The following XPOT variants were observed in gnomAD, a reference collection of about 807,000 sequenced individuals.
XPOT encodes exportin for tRNA, also known as exportin-T.
XPOT carries 34 observed loss-of-function variants against 128.2 expected under a neutral mutation model. The ratio of observed to expected loss-of-function variants is 0.27; its 90% CI spans 0.20 to 0.35. XPOT has a LOEUF of 0.35. Among genes scored for constraint, XPOT ranks in the 10% least tolerant of loss-of-function variants. The pLI, the probability that XPOT is intolerant of heterozygous loss-of-function variation, is 1.00. For synonymous variants in XPOT, 348 were observed against 394.3 expected, an observed-to-expected ratio of 0.88 and a Z score of 1.39; for missense variants, 838 against 1,125.3, an observed-to-expected ratio of 0.74 and a Z score of 3.65.
chr12:64,444,452 C>T (rs1452948240), intron 23 of XPOT, among the ~76,000 whole-genome samples: 2 of 152,166 alleles, frequency 1.3e-5, no homozygotes, highest in African/African-American at 4.8e-5. Flanking sequence ...ATGGTATATA[C>T]ATACAATAGA....
At chr12:64,437,151 A>G (rs1287978370) in intron 22 of XPOT, among the ~76,000 whole-genome samples, 1 of 152,214 alleles carries the variant, frequency 6.6e-6, no homozygotes, top group East Asian at 1.9e-4. Context: ...TCAATTCAGC[A>G]GCATTTCTTC....
chr12:64,431,629 G>T lies in XPOT; in HGVS notation c.2068G>T (p.Ala690Ser). Residue 690 changes from alanine (A) to serine (S), a missense_variant, in exon 18 of 25, where the codon GCC (alanine) becomes TCC (serine). Physicochemically the swap from Ala to Ser is moderately conservative, Grantham distance 99 (BLOSUM62 1). Coordinates refer to ENST00000332707, the MANE Select transcript of XPOT (RefSeq NM_007235.6). ...GGACTGTTTACAGACATTCTTGCCA[G>T]CCCTCAGTTGTCCCTTACAAAAGGA... ...YLDCLQTFLP[A>S]LSCPLQKDIL... 6.2e-7 allele frequency: 1 copy of T among 1,613,922 alleles called. No individual in the cohort carries two copies. Among genetic ancestry groups the T allele is most frequent in the Non-Finnish European group, 8.5e-7 (1 of 1,179,850 alleles).
intron 18 of XPOT, among the ~76,000 whole-genome samples, chr12:64,432,208 A>T (rs1467175629): frequency 6.6e-6 from 1 of 152,156 alleles, no homozygotes; most frequent in Non-Finnish European, 1.5e-5. Flanking sequence ...CTGGCTAATA[A>T]AAGTGGTTAA....
rs2040180669 is a variant in XPOT, at chr12:64,425,267, A to G, written c.1453-71A>G. 15 of 1,609,830 alleles carry G rather than the reference A, an allele frequency of 9.3e-6. No homozygotes were observed. The East Asian group carries it at 1.1e-4, about 12-fold the overall frequency. ...AGTTCCTTAATTGTTAGAGCTTAGTATATGTTAATACCGGGGCATTTTGAT... is the reference window on the plus strand; with the variant it reads ...AGTTCCTTAATTGTTAGAGCTTAGTGTATGTTAATACCGGGGCATTTTGAT... On this transcript the variant is annotated intron_variant, in intron 13 of 24. Coordinates refer to ENST00000332707, the MANE Select transcript of XPOT (RefSeq NM_007235.6).
At chr12:64,412,562 T>A (rs2040048355) in intron 2 of XPOT, among the ~76,000 whole-genome samples, 1 of 152,196 alleles carries the variant, frequency 6.6e-6, no homozygotes, top group Non-Finnish European at 1.5e-5. Flanking sequence ...ACTAAGCTAG[T>A]ACTATCTTTT....
At position 64,448,225 on chromosome 12, in the gene XPOT, A is replaced by G. The variant is rs926412676; in HGVS notation, c.*94A>G. ...TGTGCCATTCACACTGGTCTTTTTC[A>G]CATTGTTTTGAGCTTATTGCAGTAT... On this transcript the variant is annotated 3_prime_UTR_variant, in exon 25 of 25. Coordinates refer to ENST00000332707, the MANE Select transcript of XPOT (RefSeq NM_007235.6). The G allele has an allele frequency of 7.9e-7, 1 of 1,261,008 alleles. No homozygotes were observed. Among genetic ancestry groups the G allele is most frequent in the African/African-American group, 1.5e-5 (1 of 67,826 alleles). 78.1% of individuals were successfully genotyped at this position (1,261,008 alleles called of 1,614,324 possible). A position where few individuals can be genotyped will look rare whatever the true frequency, so the allele number is the denominator to read the frequency against.
At position 64,421,449 on chromosome 12, in the gene XPOT, A is replaced by C; in HGVS notation, c.1058A>C (p.Asp353Ala). ...ISSNIIGFCY[D>A]YLHILKQLTV... ...TCTAATATTATTGGATTTTGTTACG[A>C]TTATCTTCATATTTTGAAACAGGTA... The change falls in exon 9 of 25, where the codon GAT (aspartate) becomes GCT (alanine). Residue 353 changes from aspartate (D) to alanine (A), a missense_variant. Asp to Ala is a moderately radical substitution (Grantham distance 126). Transcript: ENST00000332707. 6.2e-7 allele frequency: 1 copy of C among 1,611,742 alleles called. No homozygotes were observed. The highest frequency in any genetic ancestry group is 8.5e-7 in the Non-Finnish European group (1 of 1,177,922).
intron 1 of XPOT, among the ~76,000 whole-genome samples, chr12:64,409,006 CT>C (rs60148480): frequency 1.4e-4 from 21 of 148,176 alleles, no homozygotes; most frequent in Non-Finnish European, 1.5e-4. Flanking sequence ...TATTGAAAAA[CT>C]TTTTTTTTTT....
At chr12:64,411,845 A>G (rs150539733) in intron 2 of XPOT, among the ~76,000 whole-genome samples, 4 of 152,328 alleles carry the variant, frequency 2.6e-5, no homozygotes, top group African/African-American at 9.6e-5. Context: ...TCAGTCAACC[A>G]TTAGAAAAAA....
intron 11 of XPOT, 88 bp downstream of exon 11, chr12:64,423,332 C>T: frequency 1.1e-6 from 1 of 907,228 alleles, no homozygotes; most frequent in Non-Finnish European, 1.6e-6. Context: ...GTTTCGGGGC[C>T]CTTTAAAACA....
At chr12:64,419,149 T>C (rs1592328480) in intron 6 of XPOT, 55 bp downstream of exon 6, 22 of 1,422,210 alleles carry the variant, frequency 1.5e-5, no homozygotes, top group Admixed American at 1.9e-5. Context: ...TAGGTGATAA[T>C]GGGCACATAA....
In XPOT at chr12:64,423,218, G is replaced by A. The variant is rs1168105922; in HGVS notation, c.1156G>A (p.Asp386Asn). 18 of 1,593,654 alleles carry A rather than the reference G, an allele frequency of 1.1e-5. No homozygotes were observed. Among genetic ancestry groups the A allele is most frequent in the East Asian group, 4.5e-5 (2 of 44,512 alleles). The change falls in exon 11 of 25, where the codon GAT becomes AAT. Residue 386 changes from aspartate to asparagine, a missense_variant. Coordinates refer to ENST00000332707, the MANE Select transcript of XPOT (RefSeq NM_007235.6). The stretch of plus-strand genomic sequence containing the variant: ...GGCCGTTATGAAAAAATTGACTTAC[G>A]ATGAAGAATATAACTTTGAAAATGA... Reference protein sequence around the residue: ...MLAVMKKLTYDEEYNFENEGE... With the variant: ...MLAVMKKLTYNEEYNFENEGE...
intron 23 of XPOT, among the ~76,000 whole-genome samples, chr12:64,442,122 C>T (rs2040329804): frequency 6.6e-6 from 1 of 151,524 alleles, no homozygotes; most frequent in Admixed American, 6.6e-5. Flanking sequence ...CCAGAGTCGT[C>T]ATCTTTTTCT....
chr12:64,412,129 T>C (rs1414069859), intron 2 of XPOT, among the ~76,000 whole-genome samples: 2 of 149,314 alleles, frequency 1.3e-5, no homozygotes, highest in Middle Eastern at 3.2e-3. Flanking sequence ...GTTCAAGAGA[T>C]TCTCCTGCCT....
intron 17 of XPOT, 131 bp from the exon 18 acceptor site, chr12:64,431,407 T>C (rs552489464): frequency 2.4e-6 from 2 of 839,842 alleles, no homozygotes; most frequent in South Asian, 3.5e-5. Context: ...GAAGTAATTG[T>C]GATGTGGAAA....
intron 21 of XPOT, 25 bp downstream of exon 21, chr12:64,434,934 A>C: frequency 6.3e-7 from 1 of 1,581,358 alleles, no homozygotes; most frequent in South Asian, 1.1e-5. Flanking sequence ...ATCTTTGTTT[A>C]CCTTGTGTAG....
Position 64,418,110 on chromosome 12 carries a change from G to A in XPOT, c.265G>A (p.Ala89Thr). 7.4e-6 allele frequency: 12 copies of A among 1,612,794 alleles called. No individual in the cohort carries two copies. The highest frequency in any genetic ancestry group is 9.3e-6 in the Non-Finnish European group (11 of 1,179,378). ...IRETLISWLQ[A>T]QMLNPQPEKT... ...GGAGACGCTCATATCATGGCTGCAA[G>A]CTCAGGTAAAATCATAATTTCATTC... The change falls in exon 5 of 25, where the codon GCT (alanine) becomes ACT (threonine). Residue 89 changes from alanine (A) to threonine (T), a missense_variant. Coordinates refer to ENST00000332707, the MANE Select transcript of XPOT (RefSeq NM_007235.6).
rs1250148102 is a variant in XPOT at position 64,404,448 on chromosome 12, C to G, written c.-431C>G. ...GCCCGCGCGGCACCGACGCGGGGAG[C>G]GCGCTTCGCGCTGACTCAGCGGCGG... is the stretch of plus-strand genomic sequence containing the variant. On this transcript the variant is annotated 5_prime_UTR_variant, in exon 1 of 25. Coordinates refer to ENST00000332707, the MANE Select transcript of XPOT (RefSeq NM_007235.6). The G allele has an allele frequency of 6.5e-6, 1 of 154,574 alleles. No homozygotes were observed. Among genetic ancestry groups the G allele is most frequent in the Non-Finnish European group, 1.4e-5 (1 of 70,264 alleles). 9.6% of individuals were successfully genotyped at this position (154,574 alleles called of 1,614,324 possible).
At chr12:64,440,721 GT>G (rs145987575) in intron 23 of XPOT, among the ~76,000 whole-genome samples, 4 of 151,974 alleles carry the variant, frequency 2.6e-5, no homozygotes, top group African/African-American at 9.7e-5. Flanking sequence ...AGTGATGTTT[GT>G]TTTTTCATAC....
Sources: gnomAD v4.1 joint callset for allele counts (sites outside exome capture counted in the v4.1 genomes callset) on GRCh38, gnomAD v4.1.1 for gene constraint, MANE v1.5 for transcripts, NCBI Gene and HGNC (gene_info 2026-07-23, HGNC 2026-07-21) for gene names.